Variants in GRHL2 observed in about 807,000 individuals in gnomAD.
The protein encoded by GRHL2 is grainyhead-like protein 2 homolog.
A neutral mutation model predicts 83.8 loss-of-function variants in GRHL2; 21 were observed. The observed-to-expected ratio is 0.25, with a 90% CI of 0.18 to 0.36. The LOEUF (loss-of-function observed/expected upper bound fraction) is 0.36. Among genes scored for constraint, GRHL2 ranks in the 10% least tolerant of loss-of-function variants. The pLI, the probability that GRHL2 is intolerant of heterozygous loss-of-function variation, is 1.00. For missense variants in GRHL2, 623 were observed against 781.8 expected (o/e 0.80, Z 2.42); for synonymous variants, 280 against 278.9 (o/e 1.00, Z -0.04).
chr8:101,534,227 C>T (rs772423131), intron 1 of GRHL2, among the ~76,000 whole-genome samples: 18 of 152,198 alleles, frequency 1.2e-4, no homozygotes, highest in South Asian at 4.2e-4. Context: ...TGTGAGGTTC[C>T]GGCTCAGGGT....
chr8:101,553,836 C>T (rs1311022340), intron 3 of GRHL2, among the ~76,000 whole-genome samples: 1 of 151,964 alleles, frequency 6.6e-6, no homozygotes, highest in Admixed American at 6.6e-5. Flanking sequence ...CTATATTGGC[C>T]AGGATGGGCT....
At chr8:101,607,836 A>G (rs1239657304) in intron 8 of GRHL2, among the ~76,000 whole-genome samples, 2 of 152,318 alleles carry the variant, frequency 1.3e-5, no homozygotes, top group Admixed American at 6.5e-5. Flanking sequence ...TTATAAGGTA[A>G]TGGATGTTAG....
chr8:101,628,425 G>A (rs1388203454), intron 9 of GRHL2, among the ~76,000 whole-genome samples: 4 of 152,008 alleles, frequency 2.6e-5, no homozygotes, highest in South Asian at 2.1e-4. Flanking sequence ...AGGAAAAAAA[G>A]ATCCCTTTTA....
intron 3 of GRHL2, among the ~76,000 whole-genome samples, chr8:101,555,798 G>C (rs1811478323): frequency 6.6e-6 from 1 of 152,102 alleles, no homozygotes; most frequent in Non-Finnish European, 1.5e-5. Context: ...TCTATTTGCT[G>C]TGTTCATGTG....
At chr8:101,588,072 T>G (rs542932556) in intron 7 of GRHL2, among the ~76,000 whole-genome samples, 1 of 152,216 alleles carries the variant, frequency 6.6e-6, no homozygotes, top group Non-Finnish European at 1.5e-5. Context: ...GGACCACCAC[T>G]AGTTTCTCTG....
intron 3 of GRHL2, 68 bp from the exon 4 acceptor site, chr8:101,558,351 T>G (rs1211368437): frequency 6.4e-6 from 10 of 1,564,276 alleles, no homozygotes; most frequent in Non-Finnish European, 8.8e-6. Context: ...GCATTGGTTA[T>G]TCTATTAGGC....
intron 13 of GRHL2, among the ~76,000 whole-genome samples, chr8:101,648,266 G>C (rs1336241336): frequency 4.6e-5 from 7 of 152,196 alleles, no homozygotes; most frequent in Admixed American, 4.6e-4. Flanking sequence ...GTGGGACCCT[G>C]GGGGAGTGTC....
At chr8:101,647,142 T>C (rs1484241644) in intron 13 of GRHL2, among the ~76,000 whole-genome samples, 1 of 152,202 alleles carries the variant, frequency 6.6e-6, no homozygotes, top group African/African-American at 2.4e-5. Context: ...CCCAGCACTT[T>C]AGGAGGCTGA....
intron 1 of GRHL2, among the ~76,000 whole-genome samples, chr8:101,538,257 A>T (rs1202268863): frequency 6.6e-6 from 1 of 151,756 alleles, no homozygotes; most frequent in Non-Finnish European, 1.5e-5. Flanking sequence ...CTGCTATTAT[A>T]CTCAGGGGAG....
At position 101,602,386 on chromosome 8, in the gene GRHL2, C is replaced by T. The variant is rs1050332085; in HGVS notation, c.1098+3235C>T. On this transcript the variant is annotated intron_variant, in intron 8 of 15. Transcript: ENST00000646743. The stretch of plus-strand genomic sequence containing the variant: ...TTTGCATTCAAATTCCCGTTGGTAA[C>T]GTCTGCACAGAAACTTTCACAGGCT... 2.6e-5 allele frequency among the ~76,000 whole-genome samples: 4 copies of T among 152,318 alleles called. No homozygotes were observed. In the East Asian group the frequency reaches 5.8e-4, roughly 22 times the overall value.
At position 101,604,211 on chromosome 8, in the gene GRHL2, C is replaced by T. The variant is rs575967870; in HGVS notation, c.1098+5060C>T. On this transcript the variant is annotated intron_variant, in intron 8 of 15. Coordinates refer to ENST00000646743, the MANE Select transcript of GRHL2 (RefSeq NM_024915.4). Reference sequence around the variant, plus strand: ...TTTCTTTCTCTCCTTACCCAAACACCGATACCTAAGAAGTAGATTTGTTGG... The same window carrying T: ...TTTCTTTCTCTCCTTACCCAAACACTGATACCTAAGAAGTAGATTTGTTGG... Among the ~76,000 whole-genome samples, 6 of 152,078 alleles carry T rather than the reference C, an allele frequency of 3.9e-5. No individual in the cohort carries two copies. The South Asian group carries it at 8.3e-4, about 21-fold the overall frequency.
Position 101,558,831 on chromosome 8 carries a change from C to A in GRHL2, c.678+19C>A. The A allele has an allele frequency of 7.4e-6, 12 of 1,612,722 alleles. No individual in the cohort carries two copies. The highest frequency in any genetic ancestry group is 1.0e-5 in the Non-Finnish European group (12 of 1,179,386). On this transcript the variant is annotated intron_variant, in intron 4 of 15. Coordinates refer to ENST00000646743, the MANE Select transcript of GRHL2 (RefSeq NM_024915.4). ...CACAGAGGTGAGTCCCAGGCTCCAT[C>A]GACGGCCAGAACCCAAACCCAGAGC...
intron 1 of GRHL2, chr8:101,528,996 C>A: frequency 2.7e-6 from 1 of 369,716 alleles, no homozygotes; most frequent in South Asian, 2.1e-5. Flanking sequence ...TCTGCATTCT[C>A]TCTCCCTGTG....
chr8:101,497,268 G>T (rs181318516), intron 1 of GRHL2, among the ~76,000 whole-genome samples: 1 of 152,178 alleles, frequency 6.6e-6, no homozygotes, highest in African/African-American at 2.4e-5. Context: ...AACTTGTAGT[G>T]TAACCTACTA....
intron 7 of GRHL2, among the ~76,000 whole-genome samples, chr8:101,585,330 GT>G (rs1392605322): frequency 6.6e-6 from 1 of 152,126 alleles, no homozygotes; most frequent in African/African-American, 2.4e-5. Context: ...ATTTTTTGAT[GT>G]TTTTCTAGGC....
intron 1 of GRHL2, among the ~76,000 whole-genome samples, chr8:101,517,359 G>A (rs1309431068): frequency 2.0e-5 from 3 of 152,058 alleles, no homozygotes; most frequent in Admixed American, 6.6e-5. Flanking sequence ...ATTCATGGAC[G>A]CCTCCTTCCA....
At chr8:101,551,307 G>A (rs1185714494) in intron 2 of GRHL2, among the ~76,000 whole-genome samples, 10 of 152,138 alleles carry the variant, frequency 6.6e-5, no homozygotes. Flanking sequence ...AAAAACCTGT[G>A]AGATAAGGGA....
At position 101,563,587 on chromosome 8, in the gene GRHL2, T is replaced by G. The variant is rs186636099; in HGVS notation, c.678+4775T>G. 1.5e-3 allele frequency among the ~76,000 whole-genome samples: 224 copies of G among 152,322 alleles called. 1 individual carries two copies. The highest frequency in any genetic ancestry group is 5.1e-3 in the African/African-American group (214 of 41,568). On this transcript the variant is annotated intron_variant, in intron 4 of 15. Transcript: ENST00000646743. ...ATTCCTTGTCCTTAAGAGGCTGTCA[T>G]ATTTCTTGGGTTCTGGTAGCTTTAC...
chr8:101,542,966 G>A (rs1052214766), intron 1 of GRHL2, among the ~76,000 whole-genome samples: 22 of 152,122 alleles, frequency 1.4e-4, no homozygotes, highest in Non-Finnish European at 1.5e-5. Context: ...TCACAATGTT[G>A]ACTAAATTTT....
Sources: allele counts gnomAD v4.1 joint callset (sites outside exome capture counted in the v4.1 genomes callset), GRCh38; gene constraint gnomAD v4.1.1; transcripts MANE v1.5; gene names NCBI Gene and HGNC (gene_info 2026-07-23, HGNC 2026-07-21).